Variants in ACTN2 observed in about 807,000 individuals in gnomAD.
ACTN2 encodes the protein actinin alpha 2, also known as alpha-actinin-2.
In ACTN2, 39 loss-of-function variants were observed where a neutral mutation model predicts 113.8. That is an observed-to-expected ratio of 0.34 (90% CI 0.27 to 0.45). The LOEUF is 0.45. Among genes scored for constraint, ACTN2 ranks in the 20% least tolerant of loss-of-function variants. The pLI is 1.00. For missense variants in ACTN2, 992 were observed against 1,177.9 expected (o/e 0.84, Z 2.31); for synonymous variants, 429 against 444.1 (o/e 0.97, Z 0.43).
intron 18 of ACTN2, among the ~76,000 whole-genome samples, chr1:236,758,312 A>G (rs1659607189): frequency 7.8e-6 from 1 of 128,714 alleles, no homozygotes; most frequent in Non-Finnish European, 1.7e-5. Context: ...AATGAGACGG[A>G]GTCTCGCTCT....
rs374906912 is a variant in ACTN2 at position 236,760,979 on chromosome 1, C to T, written c.2368-36C>T. The T allele has an allele frequency of 2.0e-5, 33 of 1,613,466 alleles. 1 individual carries two copies. Among genetic ancestry groups the T allele is most frequent in the South Asian group, 1.3e-4 (12 of 91,024 alleles). On this transcript the variant is annotated intron_variant, in intron 19 of 20. Transcript: ENST00000366578. The stretch of plus-strand genomic sequence containing the variant: ...AACGGCTCTGTTGAGAGTTGTGTAC[C>T]GTTCGTGTACATGTTTCTTTGCCAC...
At chr1:236,692,801 T>G (rs1337959873) in intron 1 of ACTN2, among the ~76,000 whole-genome samples, 1 of 148,278 alleles carries the variant, frequency 6.7e-6, no homozygotes, top group Non-Finnish European at 1.5e-5. Flanking sequence ...TTTTCCAGAG[T>G]GTGGGAGGAG....
chr1:236,738,128 G>A (rs961770493), intron 9 of ACTN2, among the ~76,000 whole-genome samples: 6 of 152,184 alleles, frequency 3.9e-5, no homozygotes, highest in Admixed American at 2.0e-4. Context: ...TCCTGCCTCA[G>A]CCTCCCAAGT....
intron 1 of ACTN2, among the ~76,000 whole-genome samples, chr1:236,711,781 G>A (rs139015202): frequency 6.6e-6 from 1 of 152,264 alleles, no homozygotes; most frequent in East Asian, 1.9e-4. Flanking sequence ...TTATATTTAT[G>A]GCTAGGTGCA....
At chr1:236,735,294 G>A (rs950944779) in intron 7 of ACTN2, among the ~76,000 whole-genome samples, 17 of 152,256 alleles carry the variant, frequency 1.1e-4, no homozygotes, top group African/African-American at 3.4e-4. Context: ...TTGGAGGACC[G>A]GAGTCACGAG....
In ACTN2 at chr1:236,719,028, G is replaced by A. The variant is rs986321378; in HGVS notation, c.361+15G>A. Reference sequence around the variant, plus strand: ...TGGCGCTGAAGGTGAGAGGTGTGGTGGGTGGTCCTGTCTGCCACACTGACC... The same window carrying A: ...TGGCGCTGAAGGTGAGAGGTGTGGTAGGTGGTCCTGTCTGCCACACTGACC... On this transcript the variant is annotated intron_variant, in intron 3 of 20. Coordinates refer to ENST00000366578, the MANE Select transcript of ACTN2 (RefSeq NM_001103.4). The A allele has an allele frequency of 6.2e-7, 1 of 1,613,534 alleles. No homozygotes were observed. Among genetic ancestry groups the A allele is most frequent in the Non-Finnish European group, 8.5e-7 (1 of 1,179,818 alleles).
At chr1:236,707,059 ATGG>A (rs765351264) in intron 1 of ACTN2, among the ~76,000 whole-genome samples, 1 of 152,254 alleles carries the variant, frequency 6.6e-6, no homozygotes, top group Non-Finnish European at 1.5e-5. Flanking sequence ...CTCTTTGGAC[ATGG>A]TGTATTATGA....
Position 236,742,547 on chromosome 1 carries a change from A to C in ACTN2, c.1108-349A>C, listed in dbSNP as rs1659104728. 3.3e-5 allele frequency among the ~76,000 whole-genome samples: 5 copies of C among 152,180 alleles called. No homozygotes were observed. The South Asian group carries it at 1.0e-3, about 32-fold the overall frequency. ...GACTCCATTTCTTTAAAAAAAAACAAAACAATAATCATAATAAAAGGGTTG... is the reference window on the plus strand; with the variant it reads ...GACTCCATTTCTTTAAAAAAAAACACAACAATAATCATAATAAAAGGGTTG... On this transcript the variant is annotated intron_variant, in intron 10 of 20. Transcript: ENST00000366578.
Position 236,761,055 on chromosome 1 carries a change from C to G in ACTN2, c.2408C>G (p.Pro803Arg). 1 of 1,614,154 alleles carries G rather than the reference C, an allele frequency of 6.2e-7. No individual in the cohort carries two copies. Among genetic ancestry groups the G allele is most frequent in the Non-Finnish European group, 8.5e-7 (1 of 1,180,018 alleles). Residue 803 changes from proline (P) to arginine (R), a missense_variant, in exon 20 of 21, where the codon CCC (proline) becomes CGC (arginine). Around this residue, in one of 3 missense-constraint regions of ACTN2, gnomAD observed 736 missense variants for 815.4 expected, o/e 0.90. Coordinates refer to ENST00000366578, the MANE Select transcript of ACTN2 (RefSeq NM_001103.4). ...GCCCGCATTATGACCCTGGTAGATC[C>G]CAACGGGCAAGGCACCGTCACCTTC... Reference protein sequence around the residue: ...EFARIMTLVDPNGQGTVTFQS... With the variant: ...EFARIMTLVDRNGQGTVTFQS...
Position 236,761,175 on chromosome 1 carries a change from T to C in ACTN2, c.2526+2T>C. 3.1e-6 allele frequency: 5 copies of C among 1,614,060 alleles called. No homozygotes were observed. The highest frequency in any genetic ancestry group is 4.2e-6 in the Non-Finnish European group (5 of 1,180,032). On this transcript the variant is annotated splice_donor_variant, in intron 20 of 20. Transcript: ENST00000366578. LOFTEE classifies it high-confidence loss of function. ...TTCCGGATCCTGGCTTCTGATAAGG[T>C]CTGCATTGACAGATTTCCTTCTGCT...
intron 15 of ACTN2, among the ~76,000 whole-genome samples, chr1:236,752,448 C>T (rs1659422407): frequency 8.0e-6 from 1 of 124,926 alleles, no homozygotes; most frequent in Non-Finnish European, 1.6e-5. Flanking sequence ...TCTGGTCTTC[C>T]TAACGAACAC....
At chr1:236,689,091 A>G (rs1665976430) in intron 1 of ACTN2, among the ~76,000 whole-genome samples, 2 of 152,128 alleles carry the variant, frequency 1.3e-5, no homozygotes, top group African/African-American at 4.8e-5. Flanking sequence ...GTTTTATAAG[A>G]GAAGGGAATG....
intron 18 of ACTN2, among the ~76,000 whole-genome samples, chr1:236,758,578 C>T (rs1023706036): frequency 4.0e-5 from 6 of 150,564 alleles, no homozygotes; most frequent in Admixed American, 2.6e-4. Context: ...TGTGAGCCAC[C>T]GCACCTGGCC....
At chr1:236,759,648 C>G in intron 18 of ACTN2, 76 bp from the exon 19 acceptor site, 1 of 1,275,486 alleles carries the variant, frequency 7.8e-7, no homozygotes, top group Non-Finnish European at 1.1e-6. Context: ...CTTACCAGAT[C>G]TTTGTTCAGT....
chr1:236,705,138 C>A (rs1231058866), intron 1 of ACTN2, among the ~76,000 whole-genome samples: 1 of 152,076 alleles, frequency 6.6e-6, no homozygotes, highest in African/African-American at 2.4e-5. Context: ...AAGACTGTAA[C>A]AAGGGCTATG....
chr1:236,718,056 G>A (rs560022460), intron 2 of ACTN2, 84 bp downstream of exon 2: 15 of 1,105,156 alleles, frequency 1.4e-5, no homozygotes, highest in Non-Finnish European at 1.8e-5. Context: ...TCAGAAGTTC[G>A]CTTTGAACTT....
chr1:236,719,781 A>C (rs956650651), intron 3 of ACTN2, among the ~76,000 whole-genome samples: 2 of 151,586 alleles, frequency 1.3e-5, no homozygotes, highest in Non-Finnish European at 2.9e-5. Context: ...CCTGGGCGAC[A>C]GAGTGAGACT....
rs758365969 is a variant in ACTN2 at position 236,686,666 on chromosome 1, C to G, written c.-8C>G. On this transcript the variant is annotated 5_prime_UTR_variant, in exon 1 of 21. Transcript: ENST00000366578. Reference sequence around the variant, plus strand: ...GCGCCCCGCCGCAGCCCCGGCCAACCGAGCGCCATGAACCAGATAGAGCCC... The same window carrying G: ...GCGCCCCGCCGCAGCCCCGGCCAACGGAGCGCCATGAACCAGATAGAGCCC... 6.4e-7 allele frequency: 1 copy of G among 1,554,770 alleles called. No individual in the cohort carries two copies.
At position 236,724,062 on chromosome 1, in the gene ACTN2, C is replaced by A. The variant is rs528555391; in HGVS notation, c.449-1871C>A. 1.7e-3 allele frequency among the ~76,000 whole-genome samples: 262 copies of A among 152,208 alleles called. 1 individual carries two copies. Among genetic ancestry groups the A allele is most frequent in the South Asian group, 6.8e-3 (33 of 4,820 alleles). On this transcript the variant is annotated intron_variant, in intron 4 of 20. Coordinates refer to ENST00000366578, the MANE Select transcript of ACTN2 (RefSeq NM_001103.4). ...TAGCATGGATGGCTTAAACAGCCGA[C>A]CTTTATTTTCTCACAGTTCTTGAGG...
Sources: allele counts gnomAD v4.1 joint callset (sites outside exome capture counted in the v4.1 genomes callset), GRCh38; gene constraint gnomAD v4.1.1; regional missense constraint gnomAD v4.1.1; transcripts MANE v1.5; gene names NCBI Gene and HGNC (gene_info 2026-07-23, HGNC 2026-07-21).